The following PWWP3A variants were observed in gnomAD, a reference collection of about 807,000 sequenced individuals.
PWWP3A encodes the protein PWWP domain-containing DNA repair factor 3A.
PWWP3A carries 53 observed loss-of-function variants against 79.0 expected under a neutral mutation model. The ratio of observed to expected loss-of-function variants is 0.67; its 90% CI spans 0.54 to 0.84. The LOEUF (loss-of-function observed/expected upper bound fraction) is 0.84, where lower values mean the gene tolerates loss of function less well. Ranked by LOEUF, PWWP3A falls within the 40% of genes least tolerant of loss-of-function variation. The pLI is 0.00. For missense variants in PWWP3A, 973 were observed against 948.0 expected (o/e 1.03, Z -0.35); for synonymous variants, 443 against 394.4 (o/e 1.12, Z -1.46).
chr19:1,362,127 G>A (rs868306464), intron 5 of PWWP3A, 123 bp from the exon 6 acceptor site: 6 of 682,846 alleles, frequency 8.8e-6, no homozygotes, highest in African/African-American at 7.2e-5. Flanking sequence ...GCAGTGTGGA[G>A]TTGTGTATAG....
In PWWP3A at chr19:1,367,202, A is replaced by G. The variant is rs200021962; in HGVS notation, c.1404A>G (p.Lys468=). ...AAAGTTTAAAGCACTTTGATTGTAAAGAGAAACAGACGCTTCTGGTAGGTG... is the reference window on the plus strand; with the variant it reads ...AAAGTTTAAAGCACTTTGATTGTAAGGAGAAACAGACGCTTCTGGTAGGTG... ...SLKSLKHFDC[K]EKQTLLNQAR... Residue 468 remains lysine (K), a synonymous_variant, in exon 9 of 14, where the codon AAA becomes AAG. Transcript: ENST00000591337. 1.2e-6 allele frequency: 2 copies of G among 1,613,106 alleles called. No homozygotes were observed. The highest frequency in any genetic ancestry group is 2.2e-5 in the East Asian group (1 of 44,888).
Position 1,376,690 on chromosome 19 carries a change from G to C in PWWP3A, c.*114G>C. On this transcript the variant is annotated 3_prime_UTR_variant, in exon 14 of 14. Coordinates refer to ENST00000591337, the MANE Select transcript of PWWP3A (RefSeq NM_001369789.1). ...GGCACGTTTGCGTTTGGACCTGTCTGTGCGTTCTCCTGCGTGGCAGTCCTG... is the reference window on the plus strand; with the variant it reads ...GGCACGTTTGCGTTTGGACCTGTCTCTGCGTTCTCCTGCGTGGCAGTCCTG... 2.1e-6 allele frequency: 2 copies of C among 938,130 alleles called. No homozygotes were observed. Among genetic ancestry groups the C allele is most frequent in the South Asian group, 1.5e-5 (1 of 67,658 alleles). The allele number at this position is 938,130 out of a possible 1,614,324, so 58.1% of individuals were successfully genotyped here. A position where few individuals can be genotyped will look rare whatever the true frequency, so the allele number is the denominator to read the frequency against.
At chr19:1,356,640 C>CT (rs957637541) in intron 2 of PWWP3A, among the ~76,000 whole-genome samples, 191 bp downstream of exon 2, 19 of 132,618 alleles carry the variant, frequency 1.4e-4, no homozygotes, top group South Asian at 7.3e-4. Flanking sequence ...CCAGAAATGT[C>CT]TTTTTTTTTT....
At position 1,357,004 on chromosome 19, in the gene PWWP3A, T is replaced by C; in HGVS notation, c.58-5T>C. On this transcript the variant is annotated splice_polypyrimidine_tract_variant and splice_region_variant and intron_variant, in intron 2 of 13. Transcript: ENST00000591337. Reference sequence around the variant, plus strand: ...AACAAGGATTTTCTTTTGTTTTAAATGTAGGTTTTGGCCCGAACCGCGACT... The same window carrying C: ...AACAAGGATTTTCTTTTGTTTTAAACGTAGGTTTTGGCCCGAACCGCGACT... The C allele has an allele frequency of 6.2e-7, 1 of 1,610,346 alleles. No homozygotes were observed. Among genetic ancestry groups the C allele is most frequent in the Non-Finnish European group, 8.5e-7 (1 of 1,178,620 alleles).
intron 7 of PWWP3A, among the ~76,000 whole-genome samples, chr19:1,364,782 A>C (rs968988993): frequency 3.9e-5 from 6 of 152,174 alleles, no homozygotes; most frequent in Non-Finnish European, 7.3e-5. Context: ...TTAAGTTGAT[A>C]GGCCACATTT....
At chr19:1,357,908 C>T (rs1247678549) in intron 3 of PWWP3A, 1 of 163,298 alleles carries the variant, frequency 6.1e-6, no homozygotes, top group Non-Finnish European at 1.3e-5. Context: ...TCCCTCCTGC[C>T]TGCATCTTCA....
chr19:1,366,547 C>T (rs549983287), intron 8 of PWWP3A, among the ~76,000 whole-genome samples, 166 bp downstream of exon 8: 1 of 152,314 alleles, frequency 6.6e-6, no homozygotes, highest in East Asian at 1.9e-4. Flanking sequence ...CTTCTTGTGG[C>T]CTCTCACTCC....
At chr19:1,357,252 G>T in intron 3 of PWWP3A, 158 bp downstream of exon 3, 1 of 573,080 alleles carries the variant, frequency 1.7e-6, no homozygotes, top group South Asian at 2.4e-5. Context: ...TCATGAGAAA[G>T]CAACTAGTTT....
intron 9 of PWWP3A, among the ~76,000 whole-genome samples, chr19:1,367,793 T>C (rs939659848): frequency 1.3e-5 from 2 of 152,188 alleles, no homozygotes; most frequent in Non-Finnish European, 2.9e-5. Context: ...AATGTCTATT[T>C]CCCCTCTGGA....
chr19:1,375,315 T>C (rs1033011536), intron 13 of PWWP3A, among the ~76,000 whole-genome samples: 7 of 149,348 alleles, frequency 4.7e-5, no homozygotes, highest in African/African-American at 1.7e-4. Flanking sequence ...TTCACAGTGC[T>C]ATGCAGCCGG....
chr19:1,360,503 T>G lies in PWWP3A; in HGVS notation c.582T>G (p.Ala194=), dbSNP rs751085956. The G allele has an allele frequency of 2.5e-6, 4 of 1,614,088 alleles. No individual in the cohort carries two copies. Among genetic ancestry groups the G allele is most frequent in the Admixed American group, 1.7e-5 (1 of 60,006 alleles). ...CAAGAGGCCCGTTGGTCCTCCCAGC[T>G]GGAGGTGGTGCCCAAGATGAGAGTG... ...ENPRGPLVLP[A]GGGAQDESGS... Residue 194 remains alanine, a synonymous_variant, in exon 5 of 14, where the codon GCT becomes GCG. Transcript: ENST00000591337. The surrounding 1 kb of genome is among the most constrained non-coding windows in gnomAD (Gnocchi z 4.4).
At chr19:1,356,175 T>G in intron 1 of PWWP3A, 149 bp from the exon 2 acceptor site, 3 of 552,616 alleles carry the variant, frequency 5.4e-6, no homozygotes, top group Non-Finnish European at 6.5e-6. Context: ...GTCAGTCTGC[T>G]TTTTGGCATT....
intron 6 of PWWP3A, 108 bp downstream of exon 6, chr19:1,362,459 G>A (rs746972240): frequency 2.7e-5 from 21 of 792,288 alleles, no homozygotes; most frequent in Non-Finnish European, 4.0e-5. Context: ...TCTCCTGCGA[G>A]TTCATTTCTC....
chr19:1,363,450 G>T (rs2082063632), intron 6 of PWWP3A, among the ~76,000 whole-genome samples: 1 of 152,176 alleles, frequency 6.6e-6, no homozygotes, highest in Non-Finnish European at 1.5e-5. Context: ...ACCCATTGGG[G>T]ACTTCCAGGA....
chr19:1,372,906 C>G (rs2082292173), intron 12 of PWWP3A, 166 bp from the exon 13 acceptor site: 2 of 596,124 alleles, frequency 3.4e-6, no homozygotes, highest in South Asian at 2.1e-5. Flanking sequence ...AACATCATTA[C>G]AAGCAGGGAT....
chr19:1,358,665 A>G, intron 4 of PWWP3A: 7 of 1,529,636 alleles, frequency 4.6e-6, no homozygotes, highest in Non-Finnish European at 6.1e-6. Flanking sequence ...TTGCCCCTAG[A>G]ACCACTCCTA....
At position 1,360,948 on chromosome 19, in the gene PWWP3A, G is replaced by A. The variant is rs747635453; in HGVS notation, c.1027G>A (p.Ala343Thr). 37 of 1,488,146 alleles carry A rather than the reference G, an allele frequency of 2.5e-5. No individual in the cohort carries two copies. Among genetic ancestry groups the A allele is most frequent in the Non-Finnish European group, 3.0e-5 (34 of 1,118,836 alleles). The allele number at this position is 1,488,146 out of a possible 1,614,324, so 92.2% of individuals were successfully genotyped here. A position where few individuals can be genotyped will look rare whatever the true frequency, so the allele number is the denominator to read the frequency against. The change falls in exon 5 of 14, where the codon GCC (alanine) becomes ACC (threonine). Residue 343 changes from alanine to threonine, a missense_variant. By Grantham distance (58) the Ala-to-Thr change is moderately conservative. Transcript: ENST00000591337. This position sits in a 1 kb window ranked among gnomAD's most constrained non-coding sequence, Gnocchi z 4.4. ...AGAGTCTGTGACCCCGCGCAGCACC[G>A]CCAGGCTGGGCCCGCCTCCCTCCCA... is the stretch of plus-strand genomic sequence containing the variant. ...PRESVTPRSTARLGPPPSHAS... is the reference protein window; with the variant it reads ...PRESVTPRSTTRLGPPPSHAS...
Position 1,367,178 on chromosome 19 carries a change from A to G in PWWP3A, c.1380A>G (p.Lys460=). The change falls in exon 9 of 14, where the codon AAA becomes AAG. Residue 460 remains lysine (K), a synonymous_variant. Transcript: ENST00000591337. ...CTTCAAGTTTCACAGTGTCTCTTAA[A>G]AGTTTAAAGCACTTTGATTGTAAAG... is the stretch of plus-strand genomic sequence containing the variant. ...PKMKGFTVSL[K]SLKHFDCKEK... is the part of the protein sequence containing the mutation. The G allele has an allele frequency of 1.2e-6, 2 of 1,613,080 alleles. No homozygotes were observed. The highest frequency in any genetic ancestry group is 1.7e-6 in the Non-Finnish European group (2 of 1,179,580).
At chr19:1,371,507 T>C (rs1486359410) in intron 12 of PWWP3A, 1 of 650,304 alleles carries the variant, frequency 1.5e-6, no homozygotes, top group Non-Finnish European at 2.8e-6. Flanking sequence ...CCTCATACTC[T>C]GATAAACCCG....
Sources: gnomAD v4.1 joint callset for allele counts (sites outside exome capture counted in the v4.1 genomes callset) on GRCh38, gnomAD v4.1.1 for gene constraint, Gnocchi (gnomAD v3.1) non-coding constraint, MANE v1.5 for transcripts, NCBI Gene and HGNC (gene_info 2026-07-23, HGNC 2026-07-21) for gene names.